Variants in AMPH observed in about 807,000 individuals in gnomAD.
AMPH encodes amphiphysin (Stiff-Mann syndrome with breast cancer 128kD autoantigen).
A neutral mutation model predicts 99.1 loss-of-function variants in AMPH; 49 were observed. The ratio of observed to expected loss-of-function variants is 0.49; its 90% CI spans 0.39 to 0.63. AMPH has a LOEUF of 0.63. Among genes scored for constraint, AMPH ranks in the 20% least tolerant of loss-of-function variants. The probability of loss-of-function intolerance (pLI) is 0.00; values close to 1 mark genes in which losing one functional copy is unlikely to be tolerated. For missense variants in AMPH, 759 were observed against 863.4 expected (o/e 0.88, Z 1.52); for synonymous variants, 314 against 317.3 (o/e 0.99, Z 0.11).
intron 1 of AMPH, among the ~76,000 whole-genome samples, chr7:38,594,723 T>A (rs914792565): frequency 6.6e-6 from 1 of 151,990 alleles, no homozygotes; most frequent in African/African-American, 2.4e-5. Flanking sequence ...GATATTTACA[T>A]GTATAGTTTA....
At chr7:38,402,374 T>G (rs1784863166) in intron 17 of AMPH, among the ~76,000 whole-genome samples, 1 of 152,246 alleles carries the variant, frequency 6.6e-6, no homozygotes, top group African/African-American at 2.4e-5. Flanking sequence ...TATTTTTTCT[T>G]TTGTATTGCT....
intron 9 of AMPH, 81 bp downstream of exon 9, chr7:38,465,385 TA>T: frequency 8.2e-7 from 1 of 1,213,648 alleles, no homozygotes; most frequent in African/African-American, 1.5e-5. Flanking sequence ...GTAGGATAAA[TA>T]AAATAGTACA....
intron 4 of AMPH, among the ~76,000 whole-genome samples, chr7:38,491,456 CTGAGAA>C (rs1241684259): frequency 1.3e-5 from 2 of 152,098 alleles, no homozygotes; most frequent in African/African-American, 4.8e-5. Context: ...GGCTAAGAGA[CTGAGAA>C]TAATTCCACT....
chr7:38,558,446 G>A (rs1343986418), intron 1 of AMPH, among the ~76,000 whole-genome samples: 9 of 152,180 alleles, frequency 5.9e-5, no homozygotes, highest in Admixed American at 2.6e-4. Context: ...ATCTTTGCTC[G>A]CTCAGAGAAT....
chr7:38,429,891 A>T, intron 13 of AMPH, 26 bp from the exon 14 acceptor site: 2 of 1,598,414 alleles, frequency 1.3e-6, no homozygotes, highest in East Asian at 4.5e-5. Context: ...AAATAGTAAC[A>T]ATAAGGCGAG....
At chr7:38,573,698 T>C (rs1792130797) in intron 1 of AMPH, among the ~76,000 whole-genome samples, 1 of 152,250 alleles carries the variant, frequency 6.6e-6, no homozygotes, top group Non-Finnish European at 1.5e-5. Context: ...CTGATCTGAA[T>C]TTATTTTTCC....
intron 2 of AMPH, among the ~76,000 whole-genome samples, chr7:38,511,694 T>C (rs1362756017): frequency 6.6e-6 from 1 of 152,212 alleles, no homozygotes; most frequent in Non-Finnish European, 1.5e-5. Context: ...AAGTAGATAA[T>C]ATACAAAACG....
intron 18 of AMPH, among the ~76,000 whole-genome samples, chr7:38,393,569 T>G (rs528654644): frequency 2.0e-5 from 3 of 152,212 alleles, no homozygotes; most frequent in Non-Finnish European, 4.4e-5. Flanking sequence ...AGGGGCCTGA[T>G]GGTGAATTTG....
intron 14 of AMPH, chr7:38,429,361 A>G (rs1462239022): frequency 7.8e-7 from 1 of 1,290,054 alleles, no homozygotes; most frequent in Admixed American, 2.3e-5. Context: ...AGGCTGGTGG[A>G]TAATCTTATG....
At chr7:38,588,751 A>C (rs543162881) in intron 1 of AMPH, among the ~76,000 whole-genome samples, 32 of 152,240 alleles carry the variant, frequency 2.1e-4, no homozygotes, top group African/African-American at 7.7e-4. Context: ...TTTTCAGAAA[A>C]CCTATTAGAA....
chr7:38,400,062 T>C (rs910622134), intron 17 of AMPH, among the ~76,000 whole-genome samples: 2 of 152,124 alleles, frequency 1.3e-5, no homozygotes, highest in African/African-American at 4.8e-5. Flanking sequence ...ACATACCTCA[T>C]TGCTTTCTTT....
intron 20 of AMPH, among the ~76,000 whole-genome samples, chr7:38,385,509 C>T (rs998934718): frequency 8.5e-5 from 13 of 152,216 alleles, no homozygotes; most frequent in Non-Finnish European, 1.5e-4. Context: ...TCATCAAATA[C>T]TAAAAGCTAG....
At chr7:38,557,458 G>C (rs1197053960) in intron 1 of AMPH, among the ~76,000 whole-genome samples, 1 of 152,186 alleles carries the variant, frequency 6.6e-6, no homozygotes, top group African/African-American at 2.4e-5. Flanking sequence ...TCTGATGGTT[G>C]TATAAGGGGC....
chr7:38,496,038 T>C (rs965323345), intron 3 of AMPH, among the ~76,000 whole-genome samples: 2 of 152,106 alleles, frequency 1.3e-5, no homozygotes, highest in African/African-American at 2.4e-5. Context: ...CCTGGCCACA[T>C]TGATGTCTTG....
At chr7:38,417,713 T>C (rs760858312) in intron 17 of AMPH, 112 bp downstream of exon 17, 18 of 1,380,762 alleles carry the variant, frequency 1.3e-5, no homozygotes, top group African/African-American at 1.4e-5. Flanking sequence ...ACGACAGATA[T>C]GGAGCATGTT....
chr7:38,522,733 A>AGACT (rs1482661698), intron 2 of AMPH, among the ~76,000 whole-genome samples: 5 of 152,148 alleles, frequency 3.3e-5, no homozygotes, highest in African/African-American at 1.2e-4. Context: ...TACATAAGGG[A>AGACT]GACTGCACAA....
chr7:38,466,900 C>A (rs1261931909), intron 7 of AMPH, among the ~76,000 whole-genome samples: 1 of 152,108 alleles, frequency 6.6e-6, no homozygotes, highest in Admixed American at 6.5e-5. Context: ...TCTTCTATGG[C>A]TTATCTTTAC....
chr7:38,442,293 G>A (rs537575677), intron 11 of AMPH, among the ~76,000 whole-genome samples: 5 of 152,184 alleles, frequency 3.3e-5, no homozygotes, highest in African/African-American at 9.6e-5. Context: ...CAGCATGAAG[G>A]TGGCTGCCAT....
chr7:38,407,534 T>G (rs971214566), intron 17 of AMPH, among the ~76,000 whole-genome samples: 4 of 151,940 alleles, frequency 2.6e-5, no homozygotes, highest in Non-Finnish European at 5.9e-5. Context: ...GGGTGATGGT[T>G]TAATAGAAGC....
Sources: allele counts gnomAD v4.1 joint callset (sites outside exome capture counted in the v4.1 genomes callset), GRCh38; gene constraint gnomAD v4.1.1; transcripts MANE v1.5; gene names NCBI Gene and HGNC (gene_info 2026-07-23, HGNC 2026-07-21).